Variants in WDR72 observed in about 807,000 individuals in gnomAD.
WDR72 encodes WD repeat-containing protein 72.
A neutral mutation model predicts 124.2 loss-of-function variants in WDR72; 120 were observed. The ratio of observed to expected loss-of-function variants is 0.97; its 90% CI spans 0.83 to 1.12. The LOEUF (loss-of-function observed/expected upper bound fraction) is 1.12. Ranked by LOEUF, WDR72 falls within the 50% of genes most tolerant of loss-of-function variation. The pLI, the probability that WDR72 is intolerant of heterozygous loss-of-function variation, is 0.00. For missense variants in WDR72, 1,387 were observed against 1,278.8 expected, an observed-to-expected ratio of 1.08 and a Z score of -1.29; for synonymous variants, 452 against 441.7, an observed-to-expected ratio of 1.02 and a Z score of -0.29.
At chr15:53,677,600 G>A (rs1290408740) in intron 13 of WDR72, among the ~76,000 whole-genome samples, 1 of 152,116 alleles carries the variant, frequency 6.6e-6, no homozygotes, top group Non-Finnish European at 1.5e-5. Flanking sequence ...GTTTTATAAA[G>A]GGAAGCTCCC....
At chr15:53,637,597 T>C (rs1290324538) in intron 14 of WDR72, among the ~76,000 whole-genome samples, 1 of 152,202 alleles carries the variant, frequency 6.6e-6, no homozygotes, top group Non-Finnish European at 1.5e-5. Context: ...TCCCTCTTCC[T>C]TCATGTGGTC....
chr15:53,762,006 T>G (rs1293076250), upstream of WDR72, among the ~76,000 whole-genome samples: 3 of 151,758 alleles, frequency 2.0e-5, no homozygotes, highest in African/African-American at 7.3e-5. Context: ...AAATGTGGGG[T>G]GGGGAGACAC....
chr15:53,534,875 A>C (rs1016553698), intron 18 of WDR72, among the ~76,000 whole-genome samples: 4 of 152,252 alleles, frequency 2.6e-5, no homozygotes, highest in Middle Eastern at 3.4e-3. Flanking sequence ...ATGAAAGGTA[A>C]AATACTTCCC....
Position 53,733,040 on chromosome 15 carries a change from T to A in WDR72, c.110A>T (p.Gln37Leu), listed in dbSNP as rs758705581. 1.9e-6 allele frequency: 3 copies of A among 1,614,116 alleles called. No individual in the cohort carries two copies. The highest frequency in any genetic ancestry group is 3.3e-5 in the Admixed American group (2 of 60,012). Reference sequence around the variant, plus strand: ...ATTCCAGAGACAGAGCTGACCCTCTTGACTTCCAGTCACAATCGTTCGCTG... The same window carrying A: ...ATTCCAGAGACAGAGCTGACCCTCTAGACTTCCAGTCACAATCGTTCGCTG... ...DDQRTIVTGS[Q>L]EGQLCLWNLS... Residue 37 changes from glutamine (Q) to leucine (L), a missense_variant, in exon 2 of 20, where the codon CAA becomes CTA. Physicochemically the swap from Gln to Leu is moderately radical, Grantham distance 113. Coordinates refer to ENST00000360509, the MANE Select transcript of WDR72 (RefSeq NM_182758.4).
At chr15:53,578,292 G>A (rs955290652) in intron 18 of WDR72, among the ~76,000 whole-genome samples, 18 of 152,186 alleles carry the variant, frequency 1.2e-4, no homozygotes, top group African/African-American at 3.9e-4. Context: ...TACAGGTTAG[G>A]TCACTTAACA....
chr15:53,722,121 C>T (rs1179272982), intron 3 of WDR72, among the ~76,000 whole-genome samples: 1 of 151,984 alleles, frequency 6.6e-6, no homozygotes, highest in Non-Finnish European at 1.5e-5. Context: ...GCAACCTCTG[C>T]CTCCTGGGTT....
intron 1 of WDR72, among the ~76,000 whole-genome samples, chr15:53,746,648 A>G (rs1444704300): frequency 6.6e-6 from 1 of 152,162 alleles, no homozygotes; most frequent in Non-Finnish European, 1.5e-5. Context: ...CAAAACTCAT[A>G]GGTACTGTGA....
intron 3 of WDR72, among the ~76,000 whole-genome samples, chr15:53,721,852 C>T (rs1364012440): frequency 2.0e-5 from 3 of 151,932 alleles, no homozygotes; most frequent in African/African-American, 7.2e-5. Context: ...GAGCCTAGTT[C>T]ATAGTATTTC....
chr15:53,741,128 CAG>C (rs1453357827), intron 1 of WDR72, among the ~76,000 whole-genome samples: 1 of 152,166 alleles, frequency 6.6e-6, no homozygotes, highest in African/African-American at 2.4e-5. Flanking sequence ...GCTATAATTG[CAG>C]GGCCCAGAGC....
At chr15:53,684,914 G>T (rs563835037) in intron 13 of WDR72, among the ~76,000 whole-genome samples, 2 of 152,178 alleles carry the variant, frequency 1.3e-5, no homozygotes, top group Non-Finnish European at 2.9e-5. Flanking sequence ...CTGACCCCGA[G>T]CAGCCTAACT....
chr15:53,579,013 T>C (rs1230381915), intron 18 of WDR72, among the ~76,000 whole-genome samples: 2 of 152,084 alleles, frequency 1.3e-5, no homozygotes, highest in Admixed American at 1.3e-4. Context: ...ATAAGGCTGT[T>C]AGCAAGATGA....
Position 53,643,144 on chromosome 15 carries a change from C to T in WDR72, c.1962+22428G>A, listed in dbSNP as rs557559401. ...AATGTAATGATAAATTAATATGTATCCAGTGCTAAAATTATTTCATCCTAT... is the reference window on the plus strand; with the variant it reads ...AATGTAATGATAAATTAATATGTATTCAGTGCTAAAATTATTTCATCCTAT... On this transcript the variant is annotated intron_variant, in intron 14 of 19. Coordinates refer to ENST00000360509, the MANE Select transcript of WDR72 (RefSeq NM_182758.4). Among the ~76,000 whole-genome samples the T allele has an allele frequency of 5.9e-5, 9 of 152,050 alleles. No individual in the cohort carries two copies. The East Asian group carries it at 1.7e-3, about 29-fold the overall frequency.
chr15:53,608,757 A>AAAATAAATAAATAAATAAAT (rs377242751), intron 17 of WDR72, among the ~76,000 whole-genome samples: 2,220 of 123,644 alleles, frequency 0.018, 26 homozygotes, highest in Middle Eastern at 0.06. Flanking sequence ...TCCTTTCTCA[A>AAAATAAATAAATAAATAAAT]AAATAAATAA....
At chr15:53,726,291 C>T (rs867227271) in intron 2 of WDR72, among the ~76,000 whole-genome samples, 6,412 of 103,398 alleles carry the variant, frequency 0.062, 801 homozygotes, top group African/African-American at 0.31. Flanking sequence ...TATATACACA[C>T]ACACACTGCT....
chr15:53,685,123 G>A (rs1401132849), intron 13 of WDR72, among the ~76,000 whole-genome samples: 2 of 151,170 alleles, frequency 1.3e-5, no homozygotes, highest in Non-Finnish European at 2.9e-5. Flanking sequence ...AAACAGAACA[G>A]AAAAACTGGA....
In WDR72 at chr15:53,523,330, A is replaced by AAGAAAGAG; in HGVS notation, c.3149-9_3149-8insCTCTTTCT. 2 of 1,574,988 alleles carry AAGAAAGAG rather than the reference A, an allele frequency of 1.3e-6. No homozygotes were observed. Among genetic ancestry groups the AAGAAAGAG allele is most frequent in the South Asian group, 2.2e-5 (2 of 89,706 alleles). ...TGACCGGGCTGACTGGAGCTATTAA[A>AAGAAAGAG]AGAGAGAGAGAGAGAGAGAGAGACA... On this transcript the variant is annotated splice_polypyrimidine_tract_variant and intron_variant, in intron 18 of 19. Coordinates refer to ENST00000360509, the MANE Select transcript of WDR72 (RefSeq NM_182758.4).
rs1567054819 is a variant in WDR72, at chr15:53,733,111, C to T, written c.39G>A (p.Gln13=). Residue 13 remains glutamine, a synonymous_variant, in exon 2 of 20, where the codon CAG becomes CAA. Coordinates refer to ENST00000360509, the MANE Select transcript of WDR72 (RefSeq NM_182758.4). ...CAGTGATGCTGTGGGGAGGGGCCTT[C>T]TGTCCCCAGAGTGCCACTGCCTGCA... ...TSLQAVALWG[Q]KAPPHSITAI... is the part of the protein sequence containing the mutation. 6.2e-7 allele frequency: 1 copy of T among 1,614,016 alleles called. No individual in the cohort carries two copies. Among genetic ancestry groups the T allele is most frequent in the Non-Finnish European group, 8.5e-7 (1 of 1,179,944 alleles).
chr15:53,717,993 C>T (rs952222420), intron 3 of WDR72, among the ~76,000 whole-genome samples: 1 of 152,068 alleles, frequency 6.6e-6, no homozygotes, highest in Non-Finnish European at 1.5e-5. Flanking sequence ...GGGAAACAAA[C>T]TAATAATGCA....
At chr15:53,617,259 A>T (rs532984851) in intron 14 of WDR72, among the ~76,000 whole-genome samples, 1 of 151,830 alleles carries the variant, frequency 6.6e-6, no homozygotes, top group African/African-American at 2.4e-5. Flanking sequence ...GTATATATAA[A>T]TATACATATA....
Sources: allele counts gnomAD v4.1 joint callset (sites outside exome capture counted in the v4.1 genomes callset), GRCh38; gene constraint gnomAD v4.1.1; transcripts MANE v1.5; gene names NCBI Gene and HGNC (gene_info 2026-07-23, HGNC 2026-07-21).